The following MYO3A variants were observed in gnomAD, a reference collection of about 807,000 sequenced individuals.
The protein encoded by MYO3A is myosin-IIIa.
A neutral mutation model predicts 192.7 loss-of-function variants in MYO3A; 180 were observed. The ratio of observed to expected loss-of-function variants is 0.93; its 90% CI spans 0.83 to 1.06. The LOEUF is 1.06. Ranked by LOEUF, MYO3A falls within the 50% of genes least tolerant of loss-of-function variation. MYO3A has a pLI of 0.00. For synonymous variants in MYO3A, 628 were observed against 645.3 expected, an observed-to-expected ratio of 0.97 and a Z score of 0.41; for missense variants, 1,896 against 1,905.0, an observed-to-expected ratio of 1.00 and a Z score of 0.09.
chr10:25,996,263 A>C (rs565589017), intron 4 of MYO3A, among the ~76,000 whole-genome samples: 3 of 152,206 alleles, frequency 2.0e-5, no homozygotes, highest in African/African-American at 7.2e-5. Context: ...TGCTTCTCCA[A>C]ATTATCTTCT....
chr10:25,941,402 C>T (rs984440864), intron 2 of MYO3A, among the ~76,000 whole-genome samples: 10 of 152,122 alleles, frequency 6.6e-5, no homozygotes, highest in African/African-American at 2.4e-4. Context: ...TTTCTCAGGG[C>T]AGGAAGCCAG....
intron 29 of MYO3A, 58 bp downstream of exon 29, chr10:26,170,597 G>T (rs2132018559): frequency 1.3e-5 from 20 of 1,541,442 alleles, no homozygotes; most frequent in Non-Finnish European, 1.7e-5. Context: ...GATCTGTAAG[G>T]TCATAGAATA....
chr10:25,964,281 A>G (rs1838126470), intron 4 of MYO3A, among the ~76,000 whole-genome samples: 1 of 152,202 alleles, frequency 6.6e-6, no homozygotes, highest in Non-Finnish European at 1.5e-5. Context: ...CACATTGGAA[A>G]AGGAATGTGA....
intron 4 of MYO3A, among the ~76,000 whole-genome samples, chr10:25,977,632 TTAAA>T (rs1222782941): frequency 6.6e-6 from 1 of 152,150 alleles, no homozygotes; most frequent in Admixed American, 6.5e-5. Flanking sequence ...TCAGTGTAAC[TTAAA>T]TAAAATGAAT....
At chr10:26,207,079 T>A (rs533351272) in intron 34 of MYO3A, among the ~76,000 whole-genome samples, 1 of 152,126 alleles carries the variant, frequency 6.6e-6, no homozygotes, top group African/African-American at 2.4e-5. Context: ...GTTTTTTTTT[T>A]CTAAGTTGTA....
chr10:26,038,020 G>A (rs971762658), intron 10 of MYO3A, among the ~76,000 whole-genome samples: 1 of 152,160 alleles, frequency 6.6e-6, no homozygotes, highest in East Asian at 1.9e-4. Context: ...TGGATTTATG[G>A]ACTTATCGCT....
intron 7 of MYO3A, among the ~76,000 whole-genome samples, chr10:26,019,821 T>G (rs1842208477): frequency 6.6e-6 from 1 of 152,250 alleles, no homozygotes; most frequent in African/African-American, 2.4e-5. Flanking sequence ...TGTTTATCAC[T>G]TTTTGTTATT....
At chr10:26,062,524 A>AAAAACAAAAAAACAAAAAAAAC (rs1834558432) in intron 10 of MYO3A, among the ~76,000 whole-genome samples, 3 of 114,752 alleles carry the variant, frequency 2.6e-5, no homozygotes, top group South Asian at 2.9e-4. Context: ...TCAAAAAAAA[A>AAAAACAAAAAAACAAAAAAAAC]AAAAAAAAAT....
rs774493348 is a variant in MYO3A, at chr10:26,088,410, G to A, written c.1562+5G>A. 3 of 1,610,982 alleles carry A rather than the reference G, an allele frequency of 1.9e-6. No individual in the cohort carries two copies. The highest frequency in any genetic ancestry group is 3.3e-5 in the Admixed American group (2 of 60,004). On this transcript the variant is annotated splice_donor_5th_base_variant and intron_variant, in intron 15 of 34. Transcript: ENST00000642920. ...CCGAGTTATCCACCAAGCTATGTAA[G>A]TTTATTTCAAATCTCTCCTATTTTG...
At chr10:26,021,441 AT>A in intron 7 of MYO3A, 61 bp from the exon 8 acceptor site, 2 of 1,566,002 alleles carry the variant, frequency 1.3e-6, no homozygotes, top group South Asian at 1.1e-5. Context: ...TGTTCTAAGT[AT>A]TTTATTACAT....
chr10:25,951,988 AT>A, intron 2 of MYO3A, 105 bp from the exon 3 acceptor site: 2 of 824,554 alleles, frequency 2.4e-6, no homozygotes, highest in Non-Finnish European at 3.9e-6. Flanking sequence ...GCTGTTGAAT[AT>A]TTTCTATCAT....
chr10:25,977,197 TTTAG>T (rs1264579918), intron 4 of MYO3A, among the ~76,000 whole-genome samples: 1 of 152,186 alleles, frequency 6.6e-6, no homozygotes, highest in Admixed American at 6.5e-5. Flanking sequence ...TGTATTGATA[TTTAG>T]TTATCAACAG....
chr10:25,955,943 A>G (rs1236789495), intron 4 of MYO3A, among the ~76,000 whole-genome samples: 2 of 152,100 alleles, frequency 1.3e-5, no homozygotes, highest in Non-Finnish European at 2.9e-5. Context: ...CAGAATAGAA[A>G]CTTATTCCTC....
chr10:26,128,416 G>A lies in MYO3A; in HGVS notation c.2140G>A (p.Gly714Ser). Residue 714 changes from glycine to serine, a missense_variant, in exon 20 of 35, where the codon GGC becomes AGC. Transcript: ENST00000642920. ...PSGNGDELSI[G>S]ILDIFGFENF... ...TGGGAATGGTGATGAGCTGAGCATT[G>A]GCATTCTTGATATATTTGGCTTTGA... 6.2e-7 allele frequency: 1 copy of A among 1,613,060 alleles called. No individual in the cohort carries two copies. The highest frequency in any genetic ancestry group is 8.5e-7 in the Non-Finnish European group (1 of 1,179,302).
At chr10:25,959,274 TCTTA>T (rs748798674) in intron 4 of MYO3A, among the ~76,000 whole-genome samples, 37 of 152,192 alleles carry the variant, frequency 2.4e-4, no homozygotes, top group African/African-American at 8.0e-4. Flanking sequence ...TATCCTATAT[TCTTA>T]CTTAATGTAA....
At position 26,128,392 on chromosome 10, in the gene MYO3A, G is replaced by A; in HGVS notation, c.2116G>A (p.Gly706Arg). ...ATAATGCCTCTTCAATTCTTCTAGT[G>A]GGAATGGTGATGAGCTGAGCATTGG... The part of the protein sequence containing the change: ...SLLKHDSSPS[G>R]NGDELSIGIL... Residue 706 changes from glycine to arginine, a missense_variant and splice_region_variant, in exon 20 of 35, where the codon GGG (glycine) becomes AGG (arginine). Gly to Arg is a moderately radical substitution (Grantham distance 125). Coordinates refer to ENST00000642920, the MANE Select transcript of MYO3A (RefSeq NM_017433.5). The A allele has an allele frequency of 1.9e-6, 3 of 1,612,778 alleles. No homozygotes were observed. The highest frequency in any genetic ancestry group is 1.1e-5 in the South Asian group (1 of 91,038).
intron 4 of MYO3A, among the ~76,000 whole-genome samples, chr10:25,992,856 G>C (rs1483295007): frequency 6.6e-6 from 1 of 152,206 alleles, no homozygotes; most frequent in Non-Finnish European, 1.5e-5. Flanking sequence ...CAGGGATGAA[G>C]CCCACTTGAT....
chr10:26,077,780 A>G (rs1835684226), intron 14 of MYO3A, among the ~76,000 whole-genome samples: 1 of 151,790 alleles, frequency 6.6e-6, no homozygotes, highest in African/African-American at 2.4e-5. Flanking sequence ...TTTAATTCTG[A>G]TTATGTGGTG....
At chr10:26,081,861 C>T (rs1243663311) in intron 14 of MYO3A, among the ~76,000 whole-genome samples, 2 of 152,056 alleles carry the variant, frequency 1.3e-5, no homozygotes, top group South Asian at 2.1e-4. Flanking sequence ...GATGTGTGTT[C>T]GGGAGAGGAG....
Sources: allele counts gnomAD v4.1 joint callset (sites outside exome capture counted in the v4.1 genomes callset), GRCh38; gene constraint gnomAD v4.1.1; transcripts MANE v1.5; gene names NCBI Gene and HGNC (gene_info 2026-07-23, HGNC 2026-07-21).